DCST1: variants seen among roughly 807,000 people sequenced by gnomAD.
DCST1 encodes the protein E3 ubiquitin-protein ligase DCST1.
Under a neutral mutation model 89.1 loss-of-function variants are expected in DCST1, and 78 were observed. The ratio of observed to expected loss-of-function variants is 0.88; its 90% CI spans 0.73 to 1.06. The LOEUF is 1.06. Ranked by LOEUF, DCST1 falls within the 50% of genes least tolerant of loss-of-function variation. DCST1 has a pLI of 0.00. For missense variants in DCST1, 900 were observed against 928.6 expected, an observed-to-expected ratio of 0.97 and a Z score of 0.40; for synonymous variants, 364 against 371.9, an observed-to-expected ratio of 0.98 and a Z score of 0.24.
chr1:155,042,621 T>C, intron 8 of DCST1, 114 bp from the exon 9 acceptor site: 1 of 1,440,590 alleles, frequency 6.9e-7, no homozygotes, highest in Non-Finnish European at 9.6e-7. Context: ...TAGCAAGCCA[T>C]GGGCAGAGAG....
At position 155,046,008 on chromosome 1, in the gene DCST1, A is replaced by C. The variant is rs1468415706; in HGVS notation, c.1272+16A>C. On this transcript the variant is annotated intron_variant, in intron 11 of 16. Transcript: ENST00000295542. The stretch of plus-strand genomic sequence containing the variant: ...GAAGAAGCTGGTGAGTGGGCACGGC[A>C]CTGCCCGGGGATGCCTTGCTGCTGT... 1 of 1,613,382 alleles carries C rather than the reference A, an allele frequency of 6.2e-7. No individual in the cohort carries two copies. The highest frequency in any genetic ancestry group is 8.5e-7 in the Non-Finnish European group (1 of 1,179,430).
At chr1:155,048,371 A>C (rs1424399956) in intron 16 of DCST1, among the ~76,000 whole-genome samples, 1 of 152,214 alleles carries the variant, frequency 6.6e-6, no homozygotes, top group Non-Finnish European at 1.5e-5. Flanking sequence ...GGCTCACTGC[A>C]ACCTCTGCCT....
intron 9 of DCST1, among the ~76,000 whole-genome samples, chr1:155,043,119 G>C (rs113086662): frequency 2.6e-5 from 4 of 152,134 alleles, no homozygotes; most frequent in African/African-American, 7.2e-5. Context: ...GTGCAGACTT[G>C]GCCTGGGGTG....
chr1:155,043,610 C>T, intron 10 of DCST1, 101 bp downstream of exon 10: 1 of 1,311,920 alleles, frequency 7.6e-7, no homozygotes. Context: ...CTATCCTCAC[C>T]TCTGAATCTG....
chr1:155,039,348 G>A, intron 4 of DCST1, 55 bp from the exon 5 acceptor site: 2 of 1,464,888 alleles, frequency 1.4e-6, no homozygotes, highest in Non-Finnish European at 1.8e-6. Context: ...GTAAACGTGA[G>A]GAAGGGAGGC....
Position 155,048,056 on chromosome 1 carries a change from G to A in DCST1, c.1756-1G>A. ...ATCATTGACCCCCTTCCTGCCCCCAGCGAGAGAAGAAGCGGATCCTGTTCC... is the reference window on the plus strand; with the variant it reads ...ATCATTGACCCCCTTCCTGCCCCCAACGAGAGAAGAAGCGGATCCTGTTCC... On this transcript the variant is annotated splice_acceptor_variant, in intron 15 of 16. Transcript: ENST00000295542. LOFTEE classifies it high-confidence loss of function. 3 of 1,613,896 alleles carry A rather than the reference G, an allele frequency of 1.9e-6. No individual in the cohort carries two copies. The highest frequency in any genetic ancestry group is 2.5e-6 in the Non-Finnish European group (3 of 1,179,964).
chr1:155,040,658 C>A, intron 6 of DCST1, 34 bp downstream of exon 6: 1 of 1,526,522 alleles, frequency 6.6e-7, no homozygotes, highest in Non-Finnish European at 8.8e-7. Flanking sequence ...CCTGGGGGGT[C>A]CCTCTCCCTG....
chr1:155,044,584 C>T lies in DCST1; in HGVS notation c.1172+1075C>T, dbSNP rs142267582. Among the ~76,000 whole-genome samples the T allele has an allele frequency of 1.8e-3, 271 of 151,258 alleles. 2 individuals are homozygous for T. The highest frequency in any genetic ancestry group is 5.9e-3 in the African/African-American group (243 of 41,132). On this transcript the variant is annotated intron_variant, in intron 10 of 16. Transcript: ENST00000295542. ...CCATTCTATGGATTGGCTTTTGAGA[C>T]GTGTATGGGAGCTGGGAAGGTGCCC...
At chr1:155,039,581 G>T in intron 5 of DCST1, 50 bp downstream of exon 5, 1 of 1,481,444 alleles carries the variant, frequency 6.8e-7, no homozygotes, top group South Asian at 1.4e-5. Flanking sequence ...ACCCTGGGTG[G>T]GTCATCCAAT....
intron 4 of DCST1, chr1:155,034,945 A>AG (rs1429588548): frequency 1.7e-6 from 1 of 585,164 alleles, no homozygotes; most frequent in Non-Finnish European, 3.0e-6. Context: ...CTCCATTCCG[A>AG]GGGACTCCCC....
chr1:155,034,754 ACT>A (rs1660219838), intron 4 of DCST1, 27 bp downstream of exon 4: 2 of 1,613,174 alleles, frequency 1.2e-6, no homozygotes, highest in African/African-American at 2.7e-5. Context: ...AGCCAGGAAC[ACT>A]CAAGCGGCCT....
chr1:155,042,995 G>A (rs1315504266), intron 9 of DCST1, 139 bp downstream of exon 9: 2 of 754,788 alleles, frequency 2.6e-6, no homozygotes, highest in Non-Finnish European at 2.0e-6. Context: ...CAAGGAGGGG[G>A]AATGTCGCTG....
intron 6 of DCST1, 97 bp downstream of exon 6, chr1:155,040,721 A>G (rs879594374): frequency 3.9e-5 from 57 of 1,457,934 alleles, no homozygotes; most frequent in African/African-American, 1.0e-4. Flanking sequence ...CAGTTTCCCA[A>G]TGGGGATACT....
rs145453640 is a variant in DCST1 at position 155,045,972 on chromosome 1, G to A, written c.1252G>A (p.Asp418Asn). The A allele has an allele frequency of 1.4e-5, 22 of 1,614,126 alleles. No homozygotes were observed. Among genetic ancestry groups the A allele is most frequent in the African/African-American group, 5.3e-5 (4 of 75,048 alleles). ...CATCAGTACCTACTTCTGCCAGATCGATGACCGCAGGAAGAAGCTGGTGAG... is the reference window on the plus strand; with the variant it reads ...CATCAGTACCTACTTCTGCCAGATCAATGACCGCAGGAAGAAGCTGGTGAG... ...IYISTYFCQI[D>N]DRRKKLGKRT... is the part of the protein sequence containing the mutation. The change falls in exon 11 of 17, where the codon GAT (aspartate) becomes AAT (asparagine). Residue 418 changes from aspartate (D) to asparagine (N), a missense_variant. Asp to Asn is a conservative substitution (Grantham distance 23). Transcript: ENST00000295542.
At chr1:155,046,275 G>T (rs1660623671) in intron 12 of DCST1, 55 bp downstream of exon 12, 9 of 1,614,114 alleles carry the variant, frequency 5.6e-6, no homozygotes, top group Non-Finnish European at 6.8e-6. Context: ...CTGAAGGTGA[G>T]GGTGGAGGGT....
chr1:155,042,390 C>T (rs1660464261), intron 8 of DCST1, among the ~76,000 whole-genome samples: 1 of 152,204 alleles, frequency 6.6e-6, no homozygotes, highest in South Asian at 2.1e-4. Context: ...TGAGCCATCG[C>T]ACCCAGCCAC....
intron 4 of DCST1, 59 bp downstream of exon 4, chr1:155,034,786 T>C: frequency 1.9e-6 from 3 of 1,582,580 alleles, no homozygotes; most frequent in South Asian, 2.2e-5. Context: ...AGCGCCGTCC[T>C]GCATGCCCAG....
intron 14 of DCST1, 144 bp downstream of exon 14, chr1:155,047,456 G>A (rs1210959205): frequency 4.0e-6 from 3 of 749,306 alleles, no homozygotes; most frequent in African/African-American, 3.5e-5. Context: ...AATCGGAGCA[G>A]GGAACACATC....
intron 10 of DCST1, 176 bp from the exon 11 acceptor site, chr1:155,045,717 C>T: frequency 1.6e-6 from 1 of 618,266 alleles, no homozygotes; most frequent in South Asian, 1.9e-5. Context: ...AATTGGAAGG[C>T]AGGGACAGAG....
Sources: gnomAD v4.1 joint callset for allele counts (sites outside exome capture counted in the v4.1 genomes callset) on GRCh38, gnomAD v4.1.1 for gene constraint, MANE v1.5 for transcripts, NCBI Gene and HGNC (gene_info 2026-07-23, HGNC 2026-07-21) for gene names.